The following GATA4 variants were observed in gnomAD, a reference collection of about 807,000 sequenced individuals.
GATA4 encodes transcription factor GATA-4.
In GATA4, 7 loss-of-function variants were observed where a neutral mutation model predicts 37.9. That is an observed-to-expected ratio of 0.18 (90% CI 0.11 to 0.35). The LOEUF (loss-of-function observed/expected upper bound fraction) is 0.35, where lower values mean the gene tolerates loss of function less well. GATA4 is among the 10% of genes least tolerant of loss of function. The probability of loss-of-function intolerance (pLI) is 1.00; values close to 1 mark genes in which losing one functional copy is unlikely to be tolerated. For missense variants in GATA4, 647 were observed against 653.0 expected (o/e 0.99, Z 0.10); for synonymous variants, 372 against 292.6 (o/e 1.27, Z -2.77).
intron 2 of GATA4, among the ~76,000 whole-genome samples, chr8:11,711,420 G>C (rs1255686093): frequency 2.0e-5 from 3 of 152,218 alleles, no homozygotes; most frequent in African/African-American, 7.2e-5. Flanking sequence ...TGTTGAACTT[G>C]TTGGCATTCA....
At chr8:11,698,125 G>C (rs751279246) in intron 1 of GATA4, 8 of 499,720 alleles carry the variant, frequency 1.6e-5, no homozygotes, top group Non-Finnish European at 1.8e-5. Flanking sequence ...GCCTCTCTCT[G>C]CGTCGCCAAG....
At chr8:11,740,068 T>A (rs1162271118) in intron 2 of GATA4, among the ~76,000 whole-genome samples, 1 of 152,114 alleles carries the variant, frequency 6.6e-6, no homozygotes, top group East Asian at 1.9e-4. Context: ...AGCAAATATT[T>A]TCAAGTGCTG....
rs762228407 is a variant in GATA4, at chr8:11,750,078, T to G, written c.787-33T>G. The G allele has an allele frequency of 3.1e-6, 5 of 1,613,920 alleles. No individual in the cohort carries two copies. In the African/African-American group the frequency reaches 5.3e-5, roughly 17 times the overall value. On this transcript the variant is annotated intron_variant, in intron 3 of 6. Coordinates refer to ENST00000532059, the MANE Select transcript of GATA4 (RefSeq NM_001308093.3). ...TGGAAGGGCAGTGCACACCTTTTAC[T>G]TGGACATGAAGCATTTGTTTCCTGT...
At chr8:11,729,977 G>C (rs1801125317) in intron 2 of GATA4, among the ~76,000 whole-genome samples, 3 of 152,156 alleles carry the variant, frequency 2.0e-5, no homozygotes, top group African/African-American at 7.2e-5. Context: ...CCAGGCTGGA[G>C]TGCAGTGGCG....
chr8:11,737,428 T>C (rs995152303), intron 2 of GATA4, among the ~76,000 whole-genome samples: 4 of 152,226 alleles, frequency 2.6e-5, no homozygotes, highest in Non-Finnish European at 5.9e-5. Flanking sequence ...GCCCTGGCAA[T>C]TTATTCAATA....
intron 6 of GATA4, among the ~76,000 whole-genome samples, chr8:11,757,770 T>C (rs756614751): frequency 2.6e-4 from 40 of 152,242 alleles, no homozygotes; most frequent in Admixed American, 3.3e-4. Context: ...TCCTCCCCTC[T>C]GCAGTTCCCT....
chr8:11,708,546 G>A lies in GATA4; in HGVS notation c.234G>A (p.Ala78=), dbSNP rs756850527. 30 of 1,429,734 alleles carry A rather than the reference G, an allele frequency of 2.1e-5. No homozygotes were observed. In the South Asian group the frequency reaches 2.8e-4, roughly 13 times the overall value. The allele number at this position is 1,429,734 out of a possible 1,614,324, so 88.6% of individuals were successfully genotyped here. A position where few individuals can be genotyped will look rare whatever the true frequency, so the allele number is the denominator to read the frequency against. The change falls in exon 2 of 7, where the codon GCG becomes GCA. Residue 78 remains alanine, a synonymous_variant. Coordinates refer to ENST00000532059, the MANE Select transcript of GATA4 (RefSeq NM_001308093.3). This position sits in a 1 kb window ranked among gnomAD's most constrained non-coding sequence, Gnocchi z 6.7. ...GCTCCGGTGGGGCCGCGTCTGGTGC[G>A]GGGCCCGGGACCCAGCAGGGCAGCC... ...GGSSGGAASG[A]GPGTQQGSPG... is the part of the protein sequence containing the mutation.
chr8:11,726,358 T>C (rs1800924055), intron 2 of GATA4, among the ~76,000 whole-genome samples: 1 of 152,136 alleles, frequency 6.6e-6, no homozygotes, highest in South Asian at 2.1e-4. Context: ...GCCCAAAACC[T>C]AGAAGGCCAG....
intron 2 of GATA4, among the ~76,000 whole-genome samples, chr8:11,745,460 C>G (rs1801984765): frequency 6.7e-6 from 1 of 150,120 alleles, no homozygotes; most frequent in South Asian, 2.1e-4. Context: ...GCAGCATGCA[C>G]CTGTAGTCCC....
chr8:11,694,219 A>T (rs1478153134), intron 1 of GATA4, among the ~76,000 whole-genome samples: 2 of 152,198 alleles, frequency 1.3e-5, no homozygotes. Flanking sequence ...CATTCAATAA[A>T]TGTTTGCTTT....
At chr8:11,754,358 A>C (rs1802450033) in intron 4 of GATA4, among the ~76,000 whole-genome samples, 1 of 152,144 alleles carries the variant, frequency 6.6e-6, no homozygotes, top group Non-Finnish European at 1.5e-5. Context: ...CTGGGACTAC[A>C]GGCATGCAGC....
At chr8:11,714,027 C>T (rs1800321761) in intron 2 of GATA4, among the ~76,000 whole-genome samples, 1 of 152,104 alleles carries the variant, frequency 6.6e-6, no homozygotes, top group African/African-American at 2.4e-5. Context: ...ATTTTTATAC[C>T]AGTTAATGCT....
At chr8:11,737,558 C>G (rs987776303) in intron 2 of GATA4, among the ~76,000 whole-genome samples, 1 of 152,212 alleles carries the variant, frequency 6.6e-6, no homozygotes, top group Non-Finnish European at 1.5e-5. Flanking sequence ...ATAAAAGAAA[C>G]CAGGACCATA....
At chr8:11,717,980 C>G (rs1800511405) in intron 2 of GATA4, among the ~76,000 whole-genome samples, 1 of 152,240 alleles carries the variant, frequency 6.6e-6, no homozygotes, top group African/African-American at 2.4e-5. Flanking sequence ...AGAGCAAAAC[C>G]ATATGGCTCA....
At chr8:11,736,828 A>G (rs573278735) in intron 2 of GATA4, among the ~76,000 whole-genome samples, 41 of 152,328 alleles carry the variant, frequency 2.7e-4, no homozygotes, top group African/African-American at 9.4e-4. Context: ...ACTAGGAAGC[A>G]CCTAAGTCAT....
At chr8:11,693,009 G>T (rs1374417721) in intron 1 of GATA4, 11 of 985,272 alleles carry the variant, frequency 1.1e-5, no homozygotes, top group East Asian at 2.3e-4. Flanking sequence ...CCCCGGCCGC[G>T]CACCGAGGCT....
At chr8:11,721,880 C>G (rs940299335) in intron 2 of GATA4, among the ~76,000 whole-genome samples, 1 of 152,202 alleles carries the variant, frequency 6.6e-6, no homozygotes, top group African/African-American at 2.4e-5. Flanking sequence ...GGTGGATTCA[C>G]CTACCTCCCA....
chr8:11,747,087 T>C (rs1802069334), intron 2 of GATA4, among the ~76,000 whole-genome samples: 1 of 152,244 alleles, frequency 6.6e-6, no homozygotes, highest in Non-Finnish European at 1.5e-5. Flanking sequence ...GAGAGCTCTT[T>C]ACCACCTGTC....
At chr8:11,731,346 G>A (rs756774780) in intron 2 of GATA4, among the ~76,000 whole-genome samples, 4 of 152,256 alleles carry the variant, frequency 2.6e-5, no homozygotes, top group African/African-American at 4.8e-5. Flanking sequence ...GTGTCCATCC[G>A]TGGATGAATG....
Sources: gnomAD v4.1 joint callset for allele counts (sites outside exome capture counted in the v4.1 genomes callset) on GRCh38, gnomAD v4.1.1 for gene constraint, Gnocchi (gnomAD v3.1) non-coding constraint, MANE v1.5 for transcripts, NCBI Gene and HGNC (gene_info 2026-07-23, HGNC 2026-07-21) for gene names.